Variants in TSHZ2 observed in about 807,000 individuals in gnomAD.
TSHZ2 encodes teashirt homolog 2.
Under a neutral mutation model 74.4 loss-of-function variants are expected in TSHZ2, and 21 were observed. The observed-to-expected ratio is 0.28, with a 90% CI of 0.20 to 0.41. TSHZ2 has a LOEUF of 0.41. Among genes scored for constraint, TSHZ2 ranks in the 10% least tolerant of loss-of-function variants. TSHZ2 has a pLI of 1.00. For missense variants in TSHZ2, 1,244 were observed against 1,293.5 expected, an observed-to-expected ratio of 0.96 and a Z score of 0.59; for synonymous variants, 540 against 515.3, an observed-to-expected ratio of 1.05 and a Z score of -0.65.
chr20:52,985,292 T>C (rs943920856), intron 1 of TSHZ2, among the ~76,000 whole-genome samples: 3 of 152,178 alleles, frequency 2.0e-5, no homozygotes, highest in African/African-American at 7.2e-5. Context: ...ACAGACCTAA[T>C]AAAAGGACTC....
At chr20:53,136,715 A>G (rs969532779) in intron 1 of TSHZ2, among the ~76,000 whole-genome samples, 2 of 152,108 alleles carry the variant, frequency 1.3e-5, no homozygotes, top group African/African-American at 4.8e-5. Context: ...GATAAACTTG[A>G]TATTATAGTT....
chr20:53,204,704 A>G (rs898824590), intron 1 of TSHZ2, among the ~76,000 whole-genome samples: 5 of 151,932 alleles, frequency 3.3e-5, no homozygotes, highest in Non-Finnish European at 5.9e-5. Context: ...GCTTTCTTTT[A>G]TTTCATACTC....
chr20:53,205,518 CT>C (rs1989147332), intron 1 of TSHZ2, among the ~76,000 whole-genome samples: 3 of 151,972 alleles, frequency 2.0e-5, no homozygotes, highest in Admixed American at 6.6e-5. Flanking sequence ...TATCCTGGGT[CT>C]TTTTAAAACT....
At chr20:53,409,834 C>CTTTTTTTTTTTTTTTTT (rs71194475) in intron 2 of TSHZ2, among the ~76,000 whole-genome samples, 15 of 49,354 alleles carry the variant, frequency 3.0e-4, no homozygotes, top group Non-Finnish European at 4.5e-4. Context: ...GTTTTCTTTT[C>CTTTTTTTTTTTTTTTTT]TTTTTTTTTT....
chr20:53,161,149 A>AAAAAAAAAAAAAAAAAAAG (rs1987927488), intron 1 of TSHZ2, among the ~76,000 whole-genome samples: 1 of 150,998 alleles, frequency 6.6e-6, no homozygotes, highest in African/African-American at 2.4e-5. Context: ...AAAAAAAAAA[A>AAAAAAAAAAAAAAAAAAAG]AAAATAGGAG....
chr20:53,285,469 G>A (rs1991147125), intron 2 of TSHZ2, among the ~76,000 whole-genome samples: 2 of 152,262 alleles, frequency 1.3e-5, no homozygotes, highest in South Asian at 4.2e-4. Flanking sequence ...CAGCATTCTG[G>A]GAGGACAAGG....
At chr20:53,248,952 C>G (rs1390911282) in intron 1 of TSHZ2, among the ~76,000 whole-genome samples, 1 of 152,150 alleles carries the variant, frequency 6.6e-6, no homozygotes, top group Non-Finnish European at 1.5e-5. Context: ...GTTCTCCTGC[C>G]TCAGCCTCCC....
chr20:53,484,204 T>C lies in TSHZ2; in HGVS notation c.*9-2940T>C, dbSNP rs1463166620. 2.0e-5 allele frequency among the ~76,000 whole-genome samples: 3 copies of C among 152,140 alleles called. No individual in the cohort carries two copies. The East Asian group carries it at 5.8e-4, about 29-fold the overall frequency. ...CTTTTTCTCTCAAGTGCACATCTAA[T>C]GTCAAAGGGAAATGGTTCTCTCCAC... On this transcript the variant is annotated intron_variant, in intron 2 of 2. Transcript: ENST00000371497.
At chr20:53,272,571 G>A (rs1239937300) in intron 2 of TSHZ2, among the ~76,000 whole-genome samples, 3 of 152,166 alleles carry the variant, frequency 2.0e-5, no homozygotes, top group Non-Finnish European at 2.9e-5. Flanking sequence ...TCTCTCATCC[G>A]TGAGGCAGAT....
intron 1 of TSHZ2, among the ~76,000 whole-genome samples, chr20:53,035,991 T>C (rs1186935392): frequency 6.6e-6 from 1 of 152,236 alleles, no homozygotes; most frequent in Non-Finnish European, 1.5e-5. Context: ...ATATAAAATA[T>C]GTTTATTGAT....
Position 53,182,234 on chromosome 20 carries a change from C to CT in TSHZ2, c.41-71264dup, listed in dbSNP as rs1988495582. On this transcript the variant is annotated intron_variant, in intron 1 of 2. Transcript: ENST00000371497. ...CACTCCCTCCTTCCCTCTTGACTCC[C>CT]TCCTTCCTTCCTTCTATCATTTTTT... Among the ~76,000 whole-genome samples, 5 of 146,542 alleles carry CT rather than the reference C, an allele frequency of 3.4e-5. No individual in the cohort carries two copies. The South Asian group carries it at 6.7e-4, about 20-fold the overall frequency.
intron 1 of TSHZ2, among the ~76,000 whole-genome samples, chr20:53,172,418 A>AT (rs1308479197): frequency 6.6e-6 from 1 of 151,708 alleles, no homozygotes; most frequent in Non-Finnish European, 1.5e-5. Context: ...TTTTATTTTT[A>AT]TTTTTTAGAT....
At chr20:53,022,715 A>G (rs1164478535) in intron 1 of TSHZ2, among the ~76,000 whole-genome samples, 1 of 152,180 alleles carries the variant, frequency 6.6e-6, no homozygotes, top group Non-Finnish European at 1.5e-5. Context: ...TTTACGTGTA[A>G]TCGTGTCTCT....
intron 2 of TSHZ2, among the ~76,000 whole-genome samples, chr20:53,268,710 G>A (rs977584901): frequency 1.3e-5 from 2 of 152,206 alleles, no homozygotes; most frequent in Non-Finnish European, 2.9e-5. Flanking sequence ...TTGCTCACCT[G>A]TTGACTGGAA....
At chr20:53,037,795 G>A (rs962845139) in intron 1 of TSHZ2, among the ~76,000 whole-genome samples, 9 of 152,166 alleles carry the variant, frequency 5.9e-5, no homozygotes, top group Non-Finnish European at 1.2e-4. Context: ...CAGGGCCGGT[G>A]GCCCTGGATC....
chr20:53,284,662 C>G (rs1482677592), intron 2 of TSHZ2, among the ~76,000 whole-genome samples: 1 of 152,040 alleles, frequency 6.6e-6, no homozygotes, highest in Non-Finnish European at 1.5e-5. Flanking sequence ...CACGGGAAAA[C>G]ATATTACTTT....
At chr20:53,368,580 G>A (rs915729395) in intron 2 of TSHZ2, among the ~76,000 whole-genome samples, 1 of 152,144 alleles carries the variant, frequency 6.6e-6, no homozygotes, top group Non-Finnish European at 1.5e-5. Context: ...CAAAGTGCTG[G>A]GATTACAGGC....
At chr20:53,433,552 A>G (rs982371445) in intron 2 of TSHZ2, among the ~76,000 whole-genome samples, 1 of 146,202 alleles carries the variant, frequency 6.8e-6, no homozygotes, top group African/African-American at 2.6e-5. Flanking sequence ...AAAAAGAAGC[A>G]GAACAAACCA....
chr20:53,064,981 A>G (rs1177431450), intron 1 of TSHZ2, among the ~76,000 whole-genome samples: 1 of 152,248 alleles, frequency 6.6e-6, no homozygotes, highest in Non-Finnish European at 1.5e-5. Flanking sequence ...TGATGTTTAG[A>G]GGATTAAATG....
Sources: allele counts gnomAD v4.1 joint callset (sites outside exome capture counted in the v4.1 genomes callset), GRCh38; gene constraint gnomAD v4.1.1; transcripts MANE v1.5; gene names NCBI Gene and HGNC (gene_info 2026-07-23, HGNC 2026-07-21).